Variants in TBL1XR1 observed in about 807,000 individuals in gnomAD.
The protein encoded by TBL1XR1 is F-box-like/WD repeat-containing protein TBL1XR1.
A neutral mutation model predicts 66.9 loss-of-function variants in TBL1XR1; 5 were observed. The observed-to-expected ratio is 0.07, with a 90% CI of 0.04 to 0.16. The LOEUF is 0.16. TBL1XR1 is among the 10% of genes least tolerant of loss of function. The pLI is 1.00. For synonymous variants in TBL1XR1, 210 were observed against 206.0 expected (o/e 1.02, Z -0.17); for missense variants, 238 against 623.2 (o/e 0.38, Z 6.58).
chr3:177,113,954 A>T (rs1190833675), intron 1 of TBL1XR1, among the ~76,000 whole-genome samples: 3 of 152,200 alleles, frequency 2.0e-5, no homozygotes, highest in Admixed American at 6.5e-5. Flanking sequence ...AAAAAAATTT[A>T]AAACAGAAAT....
At chr3:177,194,770 G>A (rs887068546) in intron 1 of TBL1XR1, among the ~76,000 whole-genome samples, 2 of 152,092 alleles carry the variant, frequency 1.3e-5, no homozygotes, top group African/African-American at 4.8e-5. Context: ...CTGGTGTCAT[G>A]GTAATCATGC....
intron 2 of TBL1XR1, among the ~76,000 whole-genome samples, chr3:177,095,636 C>A (rs368977125): frequency 1.4e-4 from 22 of 151,890 alleles, no homozygotes; most frequent in Non-Finnish European, 2.6e-4. Context: ...TGCGCCACCA[C>A]GCCTGGCTAA....
intron 7 of TBL1XR1, among the ~76,000 whole-genome samples, chr3:177,048,923 G>T (rs1311605269): frequency 6.6e-6 from 1 of 152,156 alleles, no homozygotes; most frequent in Non-Finnish European, 1.5e-5. Context: ...TAAGAAAGCT[G>T]TAAGATATCT....
intron 2 of TBL1XR1, among the ~76,000 whole-genome samples, chr3:177,074,377 AG>A (rs1438592206): frequency 4.6e-5 from 7 of 152,186 alleles, no homozygotes; most frequent in Non-Finnish European, 1.0e-4. Flanking sequence ...TTCTTTCCAA[AG>A]TCCTTGCGTA....
intron 2 of TBL1XR1, among the ~76,000 whole-genome samples, chr3:177,078,478 G>C (rs1720967221): frequency 6.6e-6 from 1 of 151,762 alleles, no homozygotes; most frequent in East Asian, 1.9e-4. Flanking sequence ...CCAGCTACTT[G>C]GGAGGCTGAG....
At chr3:177,144,199 T>TCACA (rs1729966919) in intron 1 of TBL1XR1, among the ~76,000 whole-genome samples, 1 of 151,406 alleles carries the variant, frequency 6.6e-6, no homozygotes, top group African/African-American at 2.4e-5. Context: ...TGAGCTGAGA[T>TCACA]CACACCACTG....
At chr3:177,069,782 GA>G (rs11287087) in intron 2 of TBL1XR1, among the ~76,000 whole-genome samples, 12,326 of 74,530 alleles carry the variant, frequency 0.17, 856 homozygotes, top group East Asian at 0.36. Flanking sequence ...GGAAAGGAAG[GA>G]AAAGGAAGGA....
chr3:177,136,660 A>C (rs1375045501), intron 1 of TBL1XR1, among the ~76,000 whole-genome samples: 1 of 152,224 alleles, frequency 6.6e-6, no homozygotes, highest in Non-Finnish European at 1.5e-5. Context: ...TACATTATCA[A>C]AAATAGATAA....
intron 13 of TBL1XR1, among the ~76,000 whole-genome samples, 152 bp downstream of exon 13, chr3:177,034,046 C>T (rs1408345734): frequency 6.8e-6 from 1 of 147,554 alleles, no homozygotes; most frequent in East Asian, 2.0e-4. Context: ...TTCTTGTAGC[C>T]AAAAACCACC....
At chr3:177,050,280 CA>C in intron 6 of TBL1XR1, 142 bp from the exon 7 acceptor site, 1 of 1,269,076 alleles carries the variant, frequency 7.9e-7, no homozygotes, top group Non-Finnish European at 1.1e-6. Flanking sequence ...TCCCATTCTA[CA>C]CGTTGGGACC....
chr3:177,149,353 G>A (rs1178998742), intron 1 of TBL1XR1, among the ~76,000 whole-genome samples: 1 of 152,142 alleles, frequency 6.6e-6, no homozygotes. Flanking sequence ...CTCCCCCAAT[G>A]ACTCTGTGAA....
chr3:177,151,941 T>C (rs925165221), intron 1 of TBL1XR1, among the ~76,000 whole-genome samples: 1 of 152,066 alleles, frequency 6.6e-6, no homozygotes, highest in African/African-American at 2.4e-5. Flanking sequence ...GGAGAATCAC[T>C]TGAACCTGGG....
intron 1 of TBL1XR1, among the ~76,000 whole-genome samples, chr3:177,142,067 T>C (rs1360702505): frequency 6.6e-6 from 1 of 152,144 alleles, no homozygotes; most frequent in Non-Finnish European, 1.5e-5. Flanking sequence ...TGAGAAGAAG[T>C]TGCTTAATGG....
intron 1 of TBL1XR1, among the ~76,000 whole-genome samples, chr3:177,192,254 C>T (rs942681250): frequency 3.0e-4 from 46 of 151,992 alleles, no homozygotes; most frequent in African/African-American, 9.9e-4. Context: ...GGCGTGGTGG[C>T]GCATGCCTAT....
Position 177,025,363 on chromosome 3 carries a change from G to A in TBL1XR1, c.*135C>T. On this transcript the variant is annotated 3_prime_UTR_variant, in exon 16 of 16. Transcript: ENST00000457928. ...GCAATTTTGTTTATATACACTGTAT[G>A]TATATATTTCTTTTAGATTTGGCTG... 1.2e-6 allele frequency: 1 copy of A among 803,786 alleles called. No homozygotes were observed. The highest frequency in any genetic ancestry group is 1.9e-5 in the South Asian group (1 of 53,598). 49.8% of individuals were successfully genotyped at this position (803,786 alleles called of 1,614,324 possible).
chr3:177,117,587 T>C (rs998950076), intron 1 of TBL1XR1, among the ~76,000 whole-genome samples: 1 of 152,172 alleles, frequency 6.6e-6, no homozygotes, highest in Non-Finnish European at 1.5e-5. Flanking sequence ...CCCAGATTGT[T>C]TGCTACACAG....
At chr3:177,085,578 G>A (rs117348308) in intron 2 of TBL1XR1, among the ~76,000 whole-genome samples, 187 of 151,818 alleles carry the variant, frequency 1.2e-3, no homozygotes, top group East Asian at 4.3e-3. Context: ...AAGTAGACAC[G>A]ATAAAAAAAA....
At chr3:177,116,750 C>CT (rs1398196618) in intron 1 of TBL1XR1, among the ~76,000 whole-genome samples, 1 of 152,172 alleles carries the variant, frequency 6.6e-6, no homozygotes, top group Non-Finnish European at 1.5e-5. Context: ...ATGGTATCTT[C>CT]TCTCAGAGGA....
chr3:177,158,456 T>C, intron 1 of TBL1XR1, among the ~76,000 whole-genome samples: 1 of 152,064 alleles, frequency 6.6e-6, no homozygotes, highest in Non-Finnish European at 1.5e-5. Context: ...CTCGAACTCC[T>C]GACCTCATGA....
Sources: gnomAD v4.1 joint callset for allele counts (sites outside exome capture counted in the v4.1 genomes callset) on GRCh38, gnomAD v4.1.1 for gene constraint, MANE v1.5 for transcripts, NCBI Gene and HGNC (gene_info 2026-07-23, HGNC 2026-07-21) for gene names.